TOMM70: variants seen among roughly 807,000 people sequenced by gnomAD.
TOMM70 encodes the protein mitochondrial import receptor subunit TOM70.
Under a neutral mutation model 73.6 loss-of-function variants are expected in TOMM70, and 13 were observed. The ratio of observed to expected loss-of-function variants is 0.18; its 90% CI spans 0.11 to 0.28. The LOEUF (loss-of-function observed/expected upper bound fraction) is 0.28. Among genes scored for constraint, TOMM70 ranks in the 10% least tolerant of loss-of-function variants. The probability of loss-of-function intolerance (pLI) is 1.00; values close to 1 mark genes in which losing one functional copy is unlikely to be tolerated. For missense variants in TOMM70, 609 were observed against 747.5 expected (o/e 0.81, Z 2.16); for synonymous variants, 257 against 271.2 (o/e 0.95, Z 0.51).
intron 11 of TOMM70, among the ~76,000 whole-genome samples, chr3:100,366,760 C>T (rs1331410544): frequency 6.6e-6 from 1 of 152,196 alleles, no homozygotes; most frequent in Non-Finnish European, 1.5e-5. Context: ...TATCAGAGGT[C>T]TTTAGTTAAC....
intron 7 of TOMM70, 139 bp from the exon 8 acceptor site, chr3:100,373,784 T>G (rs1200047904): frequency 7.6e-6 from 4 of 523,240 alleles, no homozygotes; most frequent in Non-Finnish European, 1.3e-5. Flanking sequence ...CTAGAAACAG[T>G]GATTTAAAAA....
At chr3:100,399,598 C>A (rs868850747) in intron 1 of TOMM70, among the ~76,000 whole-genome samples, 1 of 152,182 alleles carries the variant, frequency 6.6e-6, no homozygotes, top group Non-Finnish European at 1.5e-5. Flanking sequence ...AAGCAGTTCA[C>A]TAAATAATCC....
chr3:100,392,418 T>G (rs1315546553), intron 1 of TOMM70, among the ~76,000 whole-genome samples: 1 of 152,124 alleles, frequency 6.6e-6, no homozygotes, highest in African/African-American at 2.4e-5. Context: ...TATGGAAGAT[T>G]TCTTTCTTTT....
At chr3:100,387,655 T>TC (rs1005415508) in intron 1 of TOMM70, among the ~76,000 whole-genome samples, 13 of 150,400 alleles carry the variant, frequency 8.6e-5, no homozygotes, top group African/African-American at 3.2e-4. Flanking sequence ...TTTTTTTTTT[T>TC]TCTTGAGACA....
At chr3:100,381,922 A>C (rs1280275476) in intron 4 of TOMM70, 159 bp from the exon 5 acceptor site, 1 of 688,302 alleles carries the variant, frequency 1.5e-6, no homozygotes, top group Non-Finnish European at 2.2e-6. Flanking sequence ...ACAGTGGAAA[A>C]GGTGAAGCTG....
intron 11 of TOMM70, 138 bp from the exon 12 acceptor site, chr3:100,365,855 TG>T: frequency 1.0e-6 from 1 of 974,682 alleles, no homozygotes; most frequent in Non-Finnish European, 1.5e-6. Flanking sequence ...TGATGCTACA[TG>T]AAGTCTGACC....
Position 100,387,469 on chromosome 3 carries a change from TGA to T in TOMM70, c.325-493_325-492del, listed in dbSNP as rs1467812447. 5.9e-5 allele frequency among the ~76,000 whole-genome samples: 9 copies of T among 151,718 alleles called. No individual in the cohort carries two copies. In the East Asian group the frequency reaches 1.2e-3, roughly 20 times the overall value. On this transcript the variant is annotated intron_variant, in intron 1 of 11. Transcript: ENST00000284320. ...CTCCGCCTGCCCCCCCAAAAAAGCA[TGA>T]GAGGTGTCTTGCTATGCTGCCCAGG...
chr3:100,386,854 A>G lies in TOMM70; in HGVS notation c.449T>C (p.Val150Ala). The change falls in exon 2 of 12, where the codon GTT (valine) becomes GCT (alanine). Residue 150 changes from valine to alanine, a missense_variant. This residue lies in a region of TOMM70 where 432 missense variants were observed against 584.1 expected (regional missense o/e 0.74). Transcript: ENST00000284320. Reference protein sequence around the residue: ...AISLCPTEKNVDLSTFYQNRA... With the variant: ...AISLCPTEKNADLSTFYQNRA... ...GTTTTGATAAAATGTAGAAAGGTCAACATTCTTCTCTGTAGGGCACAAGCT... is the reference window on the plus strand; with the variant it reads ...GTTTTGATAAAATGTAGAAAGGTCAGCATTCTTCTCTGTAGGGCACAAGCT... 1 of 1,614,178 alleles carries G rather than the reference A, an allele frequency of 6.2e-7. No homozygotes were observed. The highest frequency in any genetic ancestry group is 1.1e-5 in the South Asian group (1 of 91,086).
At chr3:100,400,462 T>C (rs1205755452) in intron 1 of TOMM70, among the ~76,000 whole-genome samples, 164 bp downstream of exon 1, 1 of 152,196 alleles carries the variant, frequency 6.6e-6, no homozygotes, top group African/African-American at 2.4e-5. Flanking sequence ...ATCGAGCTAC[T>C]CTATGCCCTC....
At chr3:100,366,571 A>T (rs1706449158) in intron 11 of TOMM70, among the ~76,000 whole-genome samples, 1 of 152,206 alleles carries the variant, frequency 6.6e-6, no homozygotes, top group Admixed American at 6.5e-5. Flanking sequence ...TGATAGGCTT[A>T]TTTTTAAAAA....
intron 1 of TOMM70, among the ~76,000 whole-genome samples, chr3:100,400,085 C>CT (rs1017851481): frequency 2.0e-5 from 3 of 152,068 alleles, no homozygotes; most frequent in African/African-American, 7.2e-5. Context: ...CCTGTGTAGT[C>CT]TTTCTTTTTC....
At position 100,381,684 on chromosome 3, in the gene TOMM70, G is replaced by C; in HGVS notation, c.815C>G (p.Pro272Arg). The change falls in exon 5 of 12, where the codon CCC (proline) becomes CGC (arginine). Residue 272 changes from proline (P) to arginine (R), a missense_variant. Around this residue, in one of 2 missense-constraint regions of TOMM70, gnomAD observed 432 missense variants for 584.1 expected, o/e 0.74. Coordinates refer to ENST00000284320, the MANE Select transcript of TOMM70 (RefSeq NM_014820.5). ...SSFTDDIISQ[P>R]MLKGEKSDED... ...ATCAGATTTCTCTCCTTTAAGCATG[G>C]GCTGGGAAATGATATCATCCGTGAA... The C allele has an allele frequency of 6.2e-7, 1 of 1,612,824 alleles. No homozygotes were observed. The highest frequency in any genetic ancestry group is 8.5e-7 in the Non-Finnish European group (1 of 1,179,356).
At chr3:100,385,198 T>G (rs1358056505) in intron 3 of TOMM70, among the ~76,000 whole-genome samples, 5 of 152,246 alleles carry the variant, frequency 3.3e-5, no homozygotes, top group Admixed American at 2.6e-4. Context: ...TGCTGATATA[T>G]TCCCCTGATA....
At chr3:100,398,280 A>G (rs1382161308) in intron 1 of TOMM70, among the ~76,000 whole-genome samples, 1 of 151,018 alleles carries the variant, frequency 6.6e-6, no homozygotes, top group Non-Finnish European at 1.5e-5. Flanking sequence ...GCTACTCAGG[A>G]GGCTGAGGCA....
intron 1 of TOMM70, among the ~76,000 whole-genome samples, chr3:100,398,937 T>C (rs1431741349): frequency 6.6e-6 from 1 of 152,224 alleles, no homozygotes; most frequent in African/African-American, 2.4e-5. Context: ...AGATACTAGT[T>C]TGTTCATTCC....
At chr3:100,373,435 A>G in intron 8 of TOMM70, 103 bp downstream of exon 8, 1 of 877,024 alleles carries the variant, frequency 1.1e-6, no homozygotes, top group Non-Finnish European at 1.7e-6. Flanking sequence ...TCCTTTGGGA[A>G]AGAAAGAAAA....
intron 1 of TOMM70, among the ~76,000 whole-genome samples, chr3:100,399,002 C>T (rs1706856549): frequency 6.6e-6 from 1 of 152,146 alleles, no homozygotes; most frequent in Non-Finnish European, 1.5e-5. Flanking sequence ...ATATCTTCGC[C>T]CGGGCGCGGT....
chr3:100,398,954 A>C (rs1329204492), intron 1 of TOMM70, among the ~76,000 whole-genome samples: 1 of 152,194 alleles, frequency 6.6e-6, no homozygotes, highest in Non-Finnish European at 1.5e-5. Context: ...TTCCTACACC[A>C]AAACTTCCTT....
chr3:100,365,552 T>C lies in TOMM70; in HGVS notation c.*12A>G, dbSNP rs369942383. Reference sequence around the variant, plus strand: ...ACTTTTAAAAAGAGGGTCAGTCTGCTTTCCCCCTGTTTTATAATGTTGGTG... The same window carrying C: ...ACTTTTAAAAAGAGGGTCAGTCTGCCTTCCCCCTGTTTTATAATGTTGGTG... On this transcript the variant is annotated 3_prime_UTR_variant, in exon 12 of 12. Transcript: ENST00000284320. The C allele has an allele frequency of 4.6e-5, 74 of 1,614,188 alleles. No homozygotes were observed. In the African/African-American group the frequency reaches 9.3e-4, roughly 20 times the overall value.
Sources: gnomAD v4.1 joint callset for allele counts (sites outside exome capture counted in the v4.1 genomes callset) on GRCh38, gnomAD v4.1.1 for gene constraint, gnomAD v4.1.1 regional missense constraint, MANE v1.5 for transcripts, NCBI Gene and HGNC (gene_info 2026-07-23, HGNC 2026-07-21) for gene names.